NUMB: variants seen among roughly 807,000 people sequenced by gnomAD.
The protein encoded by NUMB is protein numb homolog.
Under a neutral mutation model 59.7 loss-of-function variants are expected in NUMB, and 29 were observed. That is an observed-to-expected ratio of 0.49 (90% confidence interval 0.36 to 0.66). The LOEUF is 0.66. Among genes scored for constraint, NUMB ranks in the 30% least tolerant of loss-of-function variants. The pLI, the probability that NUMB is intolerant of heterozygous loss-of-function variation, is 0.00. For missense variants in NUMB, 723 were observed against 822.0 expected, an observed-to-expected ratio of 0.88 and a Z score of 1.47; for synonymous variants, 288 against 288.2, an observed-to-expected ratio of 1.00 and a Z score of 0.01.
chr14:73,321,798 T>C (rs1302985236), intron 5 of NUMB, among the ~76,000 whole-genome samples: 1 of 152,102 alleles, frequency 6.6e-6, no homozygotes, highest in Non-Finnish European at 1.5e-5. Flanking sequence ...AGATAAAGAG[T>C]ATGTATAGGT....
intron 1 of NUMB, among the ~76,000 whole-genome samples, chr14:73,448,993 C>T (rs1281690386): frequency 4.3e-5 from 6 of 138,338 alleles, no homozygotes; most frequent in South Asian, 2.3e-4. Flanking sequence ...CAAATATATT[C>T]GGAAAAAAAA....
At chr14:73,304,429 G>C (rs1396914534) in intron 6 of NUMB, among the ~76,000 whole-genome samples, 1 of 152,032 alleles carries the variant, frequency 6.6e-6, no homozygotes. Context: ...ACCCACCTCA[G>C]CCTCCTGAGT....
intron 3 of NUMB, among the ~76,000 whole-genome samples, chr14:73,358,556 T>G (rs745896302): frequency 1.3e-5 from 2 of 151,724 alleles, no homozygotes. Flanking sequence ...AGTCTACTCA[T>G]CTTTAAAGAG....
chr14:73,311,137 T>G (rs1890755424), intron 6 of NUMB, among the ~76,000 whole-genome samples: 1 of 152,122 alleles, frequency 6.6e-6, no homozygotes, highest in South Asian at 2.1e-4. Flanking sequence ...CTGCAACCTC[T>G]GCCTACCCCC....
chr14:73,284,046 C>A, intron 10 of NUMB, 35 bp downstream of exon 10: 1 of 1,594,316 alleles, frequency 6.3e-7, no homozygotes, highest in Non-Finnish European at 8.6e-7. Flanking sequence ...CTTCAGTGCT[C>A]GAGTACCCAG....
At chr14:73,433,066 G>A (rs28405743) in intron 1 of NUMB, among the ~76,000 whole-genome samples, 7,822 of 151,660 alleles carry the variant, frequency 0.052, 654 homozygotes, top group African/African-American at 0.18. Context: ...AATTAGCAGG[G>A]CATGATGGCA....
At chr14:73,345,706 G>A (rs974940470) in intron 4 of NUMB, among the ~76,000 whole-genome samples, 14 of 151,984 alleles carry the variant, frequency 9.2e-5, no homozygotes, top group Admixed American at 7.9e-4. Flanking sequence ...TCAGGAGTTC[G>A]AGACCAGCCT....
At chr14:73,379,867 G>A (rs1410074285) in intron 2 of NUMB, among the ~76,000 whole-genome samples, 1 of 152,214 alleles carries the variant, frequency 6.6e-6, no homozygotes, top group African/African-American at 2.4e-5. Context: ...AGTTTCAGAG[G>A]CCATTCCAAG....
At chr14:73,381,520 C>G (rs1895244482) in intron 2 of NUMB, among the ~76,000 whole-genome samples, 1 of 152,164 alleles carries the variant, frequency 6.6e-6, no homozygotes, top group South Asian at 2.1e-4. Context: ...CATTATTTTT[C>G]CCTAAGTTAA....
intron 2 of NUMB, among the ~76,000 whole-genome samples, chr14:73,384,984 C>T (rs1214771546): frequency 1.3e-5 from 2 of 149,694 alleles, no homozygotes. Flanking sequence ...ACCTCTGCCT[C>T]CCAGGTTCAA....
At chr14:73,342,782 C>T (rs1434188304) in intron 4 of NUMB, among the ~76,000 whole-genome samples, 1 of 152,182 alleles carries the variant, frequency 6.6e-6, no homozygotes, top group Non-Finnish European at 1.5e-5. Context: ...ACTCTCAGAA[C>T]ACTTGCACAC....
intron 1 of NUMB, chr14:73,457,674 C>T (rs1485792404): frequency 2.0e-5 from 3 of 152,280 alleles, no homozygotes; most frequent in Non-Finnish European, 4.4e-5. Context: ...CTTTCCTGGT[C>T]CCTTAGGGAT....
At chr14:73,453,194 G>A (rs1408107830) in intron 1 of NUMB, among the ~76,000 whole-genome samples, 2 of 152,084 alleles carry the variant, frequency 1.3e-5, no homozygotes, top group Non-Finnish European at 2.9e-5. Flanking sequence ...GTACAATGGC[G>A]TGCTATTGGC....
chr14:73,356,967 G>A (rs540468086), intron 3 of NUMB: 4 of 717,178 alleles, frequency 5.6e-6, no homozygotes, highest in Non-Finnish European at 6.8e-6. Context: ...CTAAGTGCTG[G>A]AATTACAGGC....
At chr14:73,446,182 A>C (rs1883490862) in intron 1 of NUMB, among the ~76,000 whole-genome samples, 2 of 152,042 alleles carry the variant, frequency 1.3e-5, no homozygotes, top group Non-Finnish European at 2.9e-5. Context: ...TTTTTAGTAG[A>C]GATGAAGTTT....
intron 8 of NUMB, among the ~76,000 whole-genome samples, 157 bp downstream of exon 8, chr14:73,292,577 T>C (rs1306542275): frequency 6.6e-6 from 1 of 152,102 alleles, no homozygotes; most frequent in African/African-American, 2.4e-5. Flanking sequence ...ACATCAAGAG[T>C]GTGAACTATT....
At chr14:73,341,390 G>A (rs1352797877) in intron 4 of NUMB, among the ~76,000 whole-genome samples, 1 of 152,208 alleles carries the variant, frequency 6.6e-6, no homozygotes, top group Non-Finnish European at 1.5e-5. Flanking sequence ...GTAGAAGGAT[G>A]TGTGGGTTAA....
At chr14:73,391,259 A>G (rs1287538468) in intron 2 of NUMB, among the ~76,000 whole-genome samples, 2 of 151,418 alleles carry the variant, frequency 1.3e-5, no homozygotes, top group Admixed American at 1.3e-4. Flanking sequence ...GCAATGAAAA[A>G]ATCCTTTTCA....
At chr14:73,414,321 T>C (rs778332700) in intron 1 of NUMB, among the ~76,000 whole-genome samples, 1 of 152,220 alleles carries the variant, frequency 6.6e-6, no homozygotes, top group African/African-American at 2.4e-5. Flanking sequence ...AAGGCTTATA[T>C]GGTCTTAAAG....
Sources: allele counts gnomAD v4.1 joint callset (sites outside exome capture counted in the v4.1 genomes callset), GRCh38; gene constraint gnomAD v4.1.1; transcripts MANE v1.5; gene names NCBI Gene and HGNC (gene_info 2026-07-23, HGNC 2026-07-21).